ENAM: variants seen among roughly 807,000 people sequenced by gnomAD.
ENAM encodes the protein amelogenesis imperfecta 2, hypocalcification (autosomal dominant).
A neutral mutation model predicts 33.6 loss-of-function variants in ENAM; 21 were observed. The ratio of observed to expected loss-of-function variants is 0.63; its 90% CI spans 0.44 to 0.90. The LOEUF is 0.90. Among genes scored for constraint, ENAM ranks in the 40% least tolerant of loss-of-function variants. ENAM has a pLI of 0.00. For missense variants in ENAM, 1,388 were observed against 1,366.9 expected, an observed-to-expected ratio of 1.02 and a Z score of -0.24; for synonymous variants, 473 against 468.4, an observed-to-expected ratio of 1.01 and a Z score of -0.13.
rs376095037 is a variant in ENAM at position 70,645,991 on chromosome 4, A to C, written c.*1136A>C. The stretch of plus-strand genomic sequence containing the variant: ...AGGACTTGCCACACACTGCCAATTC[A>C]TAATCCGCAGGATCTGTAGAAGACA... On this transcript the variant is annotated 3_prime_UTR_variant, in exon 9 of 9. Coordinates refer to ENST00000396073, the MANE Select transcript of ENAM (RefSeq NM_031889.3). The C allele has an allele frequency of 1.3e-5, 2 of 152,120 alleles. No individual in the cohort carries two copies. The highest frequency in any genetic ancestry group is 4.8e-5 in the African/African-American group (2 of 41,420). The allele number at this position is 152,120 out of a possible 1,614,324, so 9.4% of individuals were successfully genotyped here.
intron 7 of ENAM, 98 bp from the exon 8 acceptor site, chr4:70,637,692 A>G: frequency 1.1e-6 from 1 of 893,290 alleles, no homozygotes; most frequent in Non-Finnish European, 1.9e-6. Flanking sequence ...GAGCTCAATC[A>G]TTGACTTGAG....
rs1335886558 is a variant in ENAM, at chr4:70,634,390, C to A, written c.293C>A (p.Pro98Gln). ...CAGATGCCCATGTGGCCTCAGCCAC[C>A]ACCCAACACATGGCATCCACGGAAA... ...QYQMPMWPQPPPNTWHPRKSS... is the reference protein window; with the variant it reads ...QYQMPMWPQPQPNTWHPRKSS... The change falls in exon 6 of 9, where the codon CCA becomes CAA. Residue 98 changes from proline (P) to glutamine (Q), a missense_variant. By Grantham distance (76) the Pro-to-Gln change is moderately conservative. Coordinates refer to ENST00000396073, the MANE Select transcript of ENAM (RefSeq NM_031889.3). 4.3e-6 allele frequency: 7 copies of A among 1,614,114 alleles called. No homozygotes were observed. The highest frequency in any genetic ancestry group is 5.9e-6 in the Non-Finnish European group (7 of 1,179,996).
At position 70,644,285 on chromosome 4, in the gene ENAM, G is replaced by A. The variant is rs139300247; in HGVS notation, c.2859G>A (p.Arg953=). The A allele has an allele frequency of 4.3e-6, 7 of 1,614,036 alleles. No homozygotes were observed. In the African/African-American group the frequency reaches 8.0e-5, roughly 18 times the overall value. Reference sequence around the variant, plus strand: ...TTAGAGATGATGTGTCCACGCTGAGGAGGAACACACCATGTTCTATAAAGA... The same window carrying A: ...TTAGAGATGATGTGTCCACGCTGAGAAGGAACACACCATGTTCTATAAAGA... ...NPFRDDVSTL[R]RNTPCSIKNQ... Residue 953 remains arginine (R), a synonymous_variant, in exon 9 of 9, where the codon AGG becomes AGA. Coordinates refer to ENST00000396073, the MANE Select transcript of ENAM (RefSeq NM_031889.3).
intron 8 of ENAM, among the ~76,000 whole-genome samples, chr4:70,640,667 C>A (rs1738574555): frequency 6.6e-6 from 1 of 152,054 alleles, no homozygotes. Context: ...CTCATGACAA[C>A]CTATGAGGTA....
chr4:70,634,223 G>A, intron 5 of ENAM, 85 bp from the exon 6 acceptor site: 4 of 1,364,292 alleles, frequency 2.9e-6, no homozygotes, highest in East Asian at 2.3e-5. Flanking sequence ...CTCTTTGGCT[G>A]AGTTTTAGAG....
chr4:70,641,401 T>G (rs6446801), intron 8 of ENAM, among the ~76,000 whole-genome samples: 2 of 149,948 alleles, frequency 1.3e-5, no homozygotes, highest in African/African-American at 4.9e-5. Flanking sequence ...TTATTTATTT[T>G]TTTTTTTGAG....
At chr4:70,637,705 A>G (rs1004465741) in intron 7 of ENAM, 85 bp from the exon 8 acceptor site, 4 of 1,024,416 alleles carry the variant, frequency 3.9e-6, no homozygotes, top group Non-Finnish European at 6.2e-6. Context: ...GACTTGAGCT[A>G]TTTTTAGACA....
intron 4 of ENAM, 39 bp downstream of exon 4, chr4:70,631,932 T>G: frequency 6.5e-7 from 1 of 1,530,750 alleles, no homozygotes; most frequent in Non-Finnish European, 9.1e-7. Context: ...TTATCCAGAG[T>G]CCTATCCTAC....
chr4:70,630,811 G>C (rs915295549), intron 2 of ENAM, among the ~76,000 whole-genome samples: 2 of 150,906 alleles, frequency 1.3e-5, no homozygotes, highest in Non-Finnish European at 2.9e-5. Context: ...GCACGATCTT[G>C]GCTCACTGCA....
chr4:70,635,782 T>A (rs752400475), intron 6 of ENAM, 50 bp from the exon 7 acceptor site: 3 of 1,157,954 alleles, frequency 2.6e-6, no homozygotes, highest in Non-Finnish European at 2.6e-6. Context: ...TTCATTTTTT[T>A]ATGTATTCTT....
At chr4:70,636,783 G>C (rs1446143355) in intron 7 of ENAM, among the ~76,000 whole-genome samples, 1 of 149,506 alleles carries the variant, frequency 6.7e-6, no homozygotes, top group African/African-American at 2.4e-5. Context: ...AAAAAAAAAA[G>C]AGATCTTGCA....
Position 70,642,010 on chromosome 4 carries a change from T to C in ENAM, c.589-5T>C. 3 of 1,609,524 alleles carry C rather than the reference T, an allele frequency of 1.9e-6. No homozygotes were observed. Among genetic ancestry groups the C allele is most frequent in the African/African-American group, 1.3e-5 (1 of 74,968 alleles). ...AATTATTGATTTCCATTTTCTTTCC[T>C]ACAGAATCCTTACTTTGGATATTTT... On this transcript the variant is annotated splice_region_variant and splice_polypyrimidine_tract_variant and intron_variant, in intron 8 of 8. Coordinates refer to ENST00000396073, the MANE Select transcript of ENAM (RefSeq NM_031889.3).
Position 70,642,940 on chromosome 4 carries a change from C to G in ENAM, c.1514C>G (p.Pro505Arg), listed in dbSNP as rs1469587753. 6.2e-7 allele frequency: 1 copy of G among 1,613,976 alleles called. No homozygotes were observed. The highest frequency in any genetic ancestry group is 8.5e-7 in the Non-Finnish European group (1 of 1,180,008). The change falls in exon 9 of 9, where the codon CCA becomes CGA. Residue 505 changes from proline to arginine, a missense_variant. By Grantham distance (103) the Pro-to-Arg change is moderately radical. Coordinates refer to ENST00000396073, the MANE Select transcript of ENAM (RefSeq NM_031889.3). ...YYPRGDSRKV[P>R]NSDGQTQSQN... ...CCAAGAGGAGATTCCAGAAAAGTCC[C>G]AAATTCTGATGGACAAACCCAAAGC...
rs1738744184 is a variant in ENAM, at chr4:70,645,764, T to C, written c.*909T>C. 6.6e-6 allele frequency: 1 copy of C among 152,228 alleles called. No homozygotes were observed. Among genetic ancestry groups the C allele is most frequent in the Non-Finnish European group, 1.5e-5 (1 of 68,048 alleles). The allele number at this position is 152,228 out of a possible 1,614,324, so 9.4% of individuals were successfully genotyped here. A position where few individuals can be genotyped will look rare whatever the true frequency, so the allele number is the denominator to read the frequency against. ...ATCATTACAGAATATATTTTGGAAA[T>C]GGTAGACACTGATAGCTACTTTGTT... On this transcript the variant is annotated 3_prime_UTR_variant, in exon 9 of 9. Coordinates refer to ENST00000396073, the MANE Select transcript of ENAM (RefSeq NM_031889.3).
At chr4:70,635,448 G>C (rs141051061) in intron 6 of ENAM, among the ~76,000 whole-genome samples, 1 of 152,258 alleles carries the variant, frequency 6.6e-6, no homozygotes, top group African/African-American at 2.4e-5. Context: ...CAGACATAGG[G>C]AGTACCAAAT....
Position 70,645,999 on chromosome 4 carries a change from C to A in ENAM, c.*1144C>A, listed in dbSNP as rs1738751216. On this transcript the variant is annotated 3_prime_UTR_variant, in exon 9 of 9. Transcript: ENST00000396073. ...CCACACACTGCCAATTCATAATCCG[C>A]AGGATCTGTAGAAGACATTTTGGGA... is the stretch of plus-strand genomic sequence containing the variant. The A allele has an allele frequency of 6.6e-6, 1 of 151,740 alleles. No homozygotes were observed. The highest frequency in any genetic ancestry group is 6.6e-5 in the Admixed American group (1 of 15,242). 9.4% of individuals were successfully genotyped at this position (151,740 alleles called of 1,614,324 possible). A position where few individuals can be genotyped will look rare whatever the true frequency, so the allele number is the denominator to read the frequency against.
In ENAM at chr4:70,628,866, A is replaced by G. The variant is rs1310557083; in HGVS notation, c.-159A>G. Reference sequence around the variant, plus strand: ...TCCCTGGCTTCAGCAATTTGTAGTTATTTCCACTATAGACCATTAAGAATA... The same window carrying G: ...TCCCTGGCTTCAGCAATTTGTAGTTGTTTCCACTATAGACCATTAAGAATA... On this transcript the variant is annotated 5_prime_UTR_variant, in exon 1 of 9. Coordinates refer to ENST00000396073, the MANE Select transcript of ENAM (RefSeq NM_031889.3). 2 of 152,148 alleles carry G rather than the reference A, an allele frequency of 1.3e-5. No individual in the cohort carries two copies. Among genetic ancestry groups the G allele is most frequent in the African/African-American group, 2.4e-5 (1 of 41,444 alleles). 9.4% of individuals were successfully genotyped at this position (152,148 alleles called of 1,614,324 possible).
Position 70,643,346 on chromosome 4 carries a change from A to G in ENAM, c.1920A>G (p.Ile640Met), listed in dbSNP as rs148176773. Residue 640 changes from isoleucine to methionine, a missense_variant, in exon 9 of 9, where the codon ATA becomes ATG. Physicochemically the swap from Ile to Met is conservative, Grantham distance 10 (BLOSUM62 1). Coordinates refer to ENST00000396073, the MANE Select transcript of ENAM (RefSeq NM_031889.3). ...AAAAAGAAAGTCCACTCTACCCCAT[A>G]AATACCCCAGACCAGAAGGAGATAG... ...MGQKESPLYP[I>M]NTPDQKEIVP... The G allele has an allele frequency of 6.2e-7, 1 of 1,613,950 alleles. No homozygotes were observed. The highest frequency in any genetic ancestry group is 8.5e-7 in the Non-Finnish European group (1 of 1,179,980).
intron 8 of ENAM, among the ~76,000 whole-genome samples, chr4:70,640,159 A>T (rs1398112203): frequency 1.3e-5 from 2 of 152,246 alleles, no homozygotes; most frequent in African/African-American, 2.4e-5. Context: ...TCGGTACTGG[A>T]AAACAAGGAT....
Sources: allele counts gnomAD v4.1 joint callset (sites outside exome capture counted in the v4.1 genomes callset), GRCh38; gene constraint gnomAD v4.1.1; transcripts MANE v1.5; gene names NCBI Gene and HGNC (gene_info 2026-07-23, HGNC 2026-07-21).